The following KREMEN1 variants were observed in gnomAD, a reference collection of about 807,000 sequenced individuals.
KREMEN1 encodes kremen protein 1.
KREMEN1 carries 30 observed loss-of-function variants against 46.5 expected under a neutral mutation model. The ratio of observed to expected loss-of-function variants is 0.65; its 90% CI spans 0.48 to 0.88. KREMEN1 has a LOEUF of 0.88. Among genes scored for constraint, KREMEN1 ranks in the 40% least tolerant of loss-of-function variants. The pLI is 0.00. For synonymous variants in KREMEN1, 214 were observed against 230.6 expected, an observed-to-expected ratio of 0.93 and a Z score of 0.65; for missense variants, 533 against 596.9, an observed-to-expected ratio of 0.89 and a Z score of 1.11.
Position 29,142,068 on chromosome 22 carries a change from G to T in KREMEN1, c.1333G>T (p.Gly445Cys). The change falls in exon 9 of 9, where the codon GGT becomes TGT. Residue 445 changes from glycine to cysteine, a missense_variant. By Grantham distance (159) the Gly-to-Cys change is radical. Coordinates refer to ENST00000400335, the MANE Select transcript of KREMEN1 (RefSeq NM_001039570.3). ...SISIFKKKLK[G>C]QSQQDDRNPL... ...TTCCATCTTTAAGAAGAAACTCAAG[G>T]GTCAGAGTCAACAAGATGACCGCAA... 1 of 1,612,220 alleles carries T rather than the reference G, an allele frequency of 6.2e-7. No homozygotes were observed. Among genetic ancestry groups the T allele is most frequent in the South Asian group, 1.1e-5 (1 of 90,716 alleles).
chr22:29,081,145 C>G (rs2037649417), intron 1 of KREMEN1, among the ~76,000 whole-genome samples: 1 of 151,992 alleles, frequency 6.6e-6, no homozygotes, highest in Non-Finnish European at 1.5e-5. Context: ...CCCACTCCCC[C>G]CGTCCTTCTT....
rs1419642693 is a variant in KREMEN1, at chr22:29,073,802, ACCC to A, written c.97+577_97+579del. Among the ~76,000 whole-genome samples, 1 of 147,188 alleles carries A rather than the reference ACCC, an allele frequency of 6.8e-6. No individual in the cohort carries two copies. Among genetic ancestry groups the A allele is most frequent in the African/African-American group, 2.5e-5 (1 of 39,286 alleles). On this transcript the variant is annotated intron_variant, in intron 1 of 8. Coordinates refer to ENST00000400335, the MANE Select transcript of KREMEN1 (RefSeq NM_001039570.3). The surrounding 1 kb of genome is among the most constrained non-coding windows in gnomAD (Gnocchi z 4.4). ...GGATCCCGTCCCCAAGTCCCCAGCGACCCCTCCCGGGCCGGGACGACCCCTGCT... is the reference window on the plus strand; with the variant it reads ...GGATCCCGTCCCCAAGTCCCCAGCGACTCCCGGGCCGGGACGACCCCTGCT...
At chr22:29,152,703 T>C (rs1335652850) in intron 9 of KREMEN1, among the ~76,000 whole-genome samples, 1 of 152,090 alleles carries the variant, frequency 6.6e-6, no homozygotes, top group African/African-American at 2.4e-5. Context: ...GCACAACCTT[T>C]CCTTTTTTTC....
chr22:29,152,623 C>G (rs1325596062), intron 9 of KREMEN1, among the ~76,000 whole-genome samples: 2 of 152,146 alleles, frequency 1.3e-5, no homozygotes, highest in Non-Finnish European at 2.9e-5. Flanking sequence ...CCTCCCCGCC[C>G]CTTGCACCCC....
intron 9 of KREMEN1, among the ~76,000 whole-genome samples, chr22:29,166,636 A>G (rs989107563): frequency 2.0e-5 from 3 of 152,210 alleles, no homozygotes; most frequent in African/African-American, 7.2e-5. Flanking sequence ...GAGCTTTCAG[A>G]AAATCAAGAG....
chr22:29,152,009 TAA>T (rs132285), intron 9 of KREMEN1, among the ~76,000 whole-genome samples: 2,003 of 132,624 alleles, frequency 0.015, 43 homozygotes, highest in African/African-American at 0.054. Flanking sequence ...GACTCTGTCT[TAA>T]AAAAAAAAAA....
At chr22:29,131,598 A>G (rs1231289355) in intron 5 of KREMEN1, among the ~76,000 whole-genome samples, 15 of 123,070 alleles carry the variant, frequency 1.2e-4, no homozygotes, top group Admixed American at 3.3e-4. Context: ...GTGTGTGTAT[A>G]TGTATATATG....
intron 9 of KREMEN1, among the ~76,000 whole-genome samples, chr22:29,162,767 A>G (rs576676958): frequency 6.6e-4 from 100 of 152,212 alleles, no homozygotes; most frequent in Admixed American, 1.1e-3. Flanking sequence ...GTATATATCC[A>G]AAAGGAAACA....
intron 9 of KREMEN1, among the ~76,000 whole-genome samples, chr22:29,163,393 T>C (rs2039028860): frequency 6.6e-6 from 1 of 152,152 alleles, no homozygotes; most frequent in Non-Finnish European, 1.5e-5. Flanking sequence ...TTTTGTTTTT[T>C]TGAGATGGAG....
chr22:29,131,548 A>G lies in KREMEN1; in HGVS notation c.632-5794A>G, dbSNP rs1171304140. Among the ~76,000 whole-genome samples, 90 of 58,798 alleles carry G rather than the reference A, an allele frequency of 1.5e-3. 2 individuals carry two copies. The highest frequency in any genetic ancestry group is 6.0e-3 in the African/African-American group (81 of 13,428). The allele number at this position is 58,798 out of a possible 152,430, so 38.6% of individuals were successfully genotyped here. A position where few individuals can be genotyped will look rare whatever the true frequency, so the allele number is the denominator to read the frequency against. On this transcript the variant is annotated intron_variant, in intron 5 of 8. Transcript: ENST00000400335. ...CATATATATATATATATATATATAT[A>G]TATATATATATATGTGTGTGTGTGT...
chr22:29,114,121 G>T (rs973760364), intron 3 of KREMEN1, among the ~76,000 whole-genome samples: 1 of 151,906 alleles, frequency 6.6e-6, no homozygotes, highest in Non-Finnish European at 1.5e-5. Context: ...TGAGGCCCTT[G>T]GGGAGGTAAT....
chr22:29,146,683 C>T lies in KREMEN1; in HGVS notation c.*4571C>T, dbSNP rs867422064. On this transcript the variant is annotated 3_prime_UTR_variant, in exon 9 of 9. Transcript: ENST00000400335. ...TTTTAAAATATAAGATGAAGTGTGA[C>T]GCACTGTATACAATTTAATATATAT... 1.3e-5 allele frequency: 12 copies of T among 927,590 alleles called. No individual in the cohort carries two copies. Among genetic ancestry groups the T allele is most frequent in the Admixed American group, 1.2e-4 (2 of 16,168 alleles). The allele number at this position is 927,590 out of a possible 1,614,324, so 57.5% of individuals were successfully genotyped here.
rs1392995229 is a variant in KREMEN1 at position 29,143,696 on chromosome 22, C to G, written c.*1584C>G. 6 of 910,514 alleles carry G rather than the reference C, an allele frequency of 6.6e-6. No individual in the cohort carries two copies. In the East Asian group the frequency reaches 7.1e-4, roughly 108 times the overall value. 56.4% of individuals were successfully genotyped at this position (910,514 alleles called of 1,614,324 possible). On this transcript the variant is annotated 3_prime_UTR_variant, in exon 9 of 9. Coordinates refer to ENST00000400335, the MANE Select transcript of KREMEN1 (RefSeq NM_001039570.3). ...GGCGGAGCTTGCAGTGAGCAGAGAT[C>G]ACGCCACTGCACTCCAGCCTGGGTG... is the stretch of plus-strand genomic sequence containing the variant.
chr22:29,114,073 T>G (rs1310640171), intron 3 of KREMEN1, among the ~76,000 whole-genome samples: 2 of 151,964 alleles, frequency 1.3e-5, no homozygotes, highest in Non-Finnish European at 2.9e-5. Context: ...CATTCTTATG[T>G]TGAAGCCCTA....
chr22:29,102,338 C>CTA (rs2037990447), intron 3 of KREMEN1, among the ~76,000 whole-genome samples: 1 of 152,180 alleles, frequency 6.6e-6, no homozygotes, highest in Non-Finnish European at 1.5e-5. Flanking sequence ...ACTTAGAAAA[C>CTA]AGTAAAGACC....
intron 1 of KREMEN1, among the ~76,000 whole-genome samples, chr22:29,086,932 A>G (rs2037738869): frequency 6.6e-6 from 1 of 152,012 alleles, no homozygotes; most frequent in Admixed American, 6.6e-5. Flanking sequence ...TTTAATTTTA[A>G]TTTTAATTTT....
intron 8 of KREMEN1, among the ~76,000 whole-genome samples, chr22:29,140,572 T>C (rs1421434824): frequency 6.6e-6 from 1 of 152,214 alleles, no homozygotes. Flanking sequence ...GTTTCAGGGA[T>C]TTTGTTTGCT....
In KREMEN1 at chr22:29,098,939, T is replaced by C. The variant is rs1348515584; in HGVS notation, c.338T>C (p.Ile113Thr). Reference protein sequence around the residue: ...EDGVYWKYCEIPACQMPGNLG... With the variant: ...EDGVYWKYCETPACQMPGNLG... The stretch of plus-strand genomic sequence containing the variant: ...GGTGTCTACTGGAAGTACTGTGAGA[T>C]ACCTGCTTGCCAGAGTAAGACTGTA... The change falls in exon 3 of 9, where the codon ATA (isoleucine) becomes ACA (threonine). Residue 113 changes from isoleucine to threonine, a missense_variant. By Grantham distance (89) the Ile-to-Thr change is moderately conservative (BLOSUM62 -1). Coordinates refer to ENST00000400335, the MANE Select transcript of KREMEN1 (RefSeq NM_001039570.3). The C allele has an allele frequency of 9.3e-6, 15 of 1,612,564 alleles. No individual in the cohort carries two copies. The highest frequency in any genetic ancestry group is 1.2e-5 in the Non-Finnish European group (14 of 1,178,636).
chr22:29,098,435 C>A (rs889182513), intron 2 of KREMEN1, among the ~76,000 whole-genome samples: 9 of 152,148 alleles, frequency 5.9e-5, no homozygotes, highest in African/African-American at 1.9e-4. Context: ...ATTTCTAGGG[C>A]CTTTGGCTCT....
Sources: gnomAD v4.1 joint callset for allele counts (sites outside exome capture counted in the v4.1 genomes callset) on GRCh38, gnomAD v4.1.1 for gene constraint, Gnocchi (gnomAD v3.1) non-coding constraint, MANE v1.5 for transcripts, NCBI Gene and HGNC (gene_info 2026-07-23, HGNC 2026-07-21) for gene names.